Variants in BHMT2 observed in about 807,000 individuals in gnomAD.
The protein encoded by BHMT2 is S-methylmethionine--homocysteine S-methyltransferase BHMT2.
Under a neutral mutation model 39.0 loss-of-function variants are expected in BHMT2, and 28 were observed. That is an observed-to-expected ratio of 0.72 (90% CI 0.53 to 0.98). BHMT2 has a LOEUF of 0.98. Ranked by LOEUF, BHMT2 falls within the 50% of genes least tolerant of loss-of-function variation. The pLI, the probability that BHMT2 is intolerant of heterozygous loss-of-function variation, is 0.00. For missense variants in BHMT2, 410 were observed against 455.6 expected, an observed-to-expected ratio of 0.90 and a Z score of 0.91; for synonymous variants, 145 against 160.6, an observed-to-expected ratio of 0.90 and a Z score of 0.74.
chr5:79,072,724 G>A (rs1755604078), intron 1 of BHMT2, among the ~76,000 whole-genome samples: 1 of 152,196 alleles, frequency 6.6e-6, no homozygotes, highest in Admixed American at 6.5e-5. Context: ...AATCACAGGT[G>A]AGACTGGGTC....
intron 7 of BHMT2, among the ~76,000 whole-genome samples, chr5:79,085,034 C>CT (rs1755866949): frequency 6.6e-6 from 1 of 152,140 alleles, no homozygotes; most frequent in Non-Finnish European, 1.5e-5. Flanking sequence ...CCCTTGGTGT[C>CT]TTTAAGTTTT....
At chr5:79,079,028 A>G (rs543399119) in intron 2 of BHMT2, among the ~76,000 whole-genome samples, 7 of 152,332 alleles carry the variant, frequency 4.6e-5, no homozygotes, top group African/African-American at 1.2e-4. Context: ...AATGCTGACT[A>G]TAGTAGACCA....
chr5:79,083,868 T>A lies in BHMT2; in HGVS notation c.1010+12T>A, dbSNP rs1016139416. 6.2e-7 allele frequency: 1 copy of A among 1,601,406 alleles called. No homozygotes were observed. The highest frequency in any genetic ancestry group is 1.3e-5 in the African/African-American group (1 of 74,458). ...TGGATTAGAGCAAGGTAAGCATTTT[T>A]AAATTAACATTCTTATTATTTTCCT... On this transcript the variant is annotated intron_variant, in intron 7 of 7. Transcript: ENST00000255192.
chr5:79,076,417 G>A (rs1008972308), intron 1 of BHMT2, among the ~76,000 whole-genome samples: 3 of 152,048 alleles, frequency 2.0e-5, no homozygotes, highest in African/African-American at 7.2e-5. Flanking sequence ...ACATTTGGGC[G>A]CAAAAACAGG....
At position 79,079,418 on chromosome 5, in the gene BHMT2, G is replaced by A. The variant is rs1394628155; in HGVS notation, c.216G>A (p.Gln72=). The stretch of plus-strand genomic sequence containing the variant: ...TGAGAGCAGGATCAAATGTCATGCA[G>A]ACTTTTACCTTTTCTGCCAGTGAGG... The part of the protein sequence containing the change: ...EFLRAGSNVM[Q]TFTFSASEDN... Residue 72 remains glutamine, a synonymous_variant, in exon 3 of 8, where the codon CAG becomes CAA. Coordinates refer to ENST00000255192, the MANE Select transcript of BHMT2 (RefSeq NM_017614.5). 6.2e-7 allele frequency: 1 copy of A among 1,613,918 alleles called. No individual in the cohort carries two copies. Among genetic ancestry groups the A allele is most frequent in the Admixed American group, 1.7e-5 (1 of 59,988 alleles).
At chr5:79,082,113 A>C (rs1239383044) in intron 4 of BHMT2, among the ~76,000 whole-genome samples, 4 of 152,118 alleles carry the variant, frequency 2.6e-5, no homozygotes, top group Non-Finnish European at 5.9e-5. Flanking sequence ...TTTGTTTCTA[A>C]CTCAAGAGGG....
rs1039003788 is a variant in BHMT2 at position 79,081,638 on chromosome 5, T to C, written c.450+760T>C. ...ACTTTGGGAGGCCAAGGCAGGTGGATGGCATGAGGTCAGGAATTTGAGACT... is the reference window on the plus strand; with the variant it reads ...ACTTTGGGAGGCCAAGGCAGGTGGACGGCATGAGGTCAGGAATTTGAGACT... On this transcript the variant is annotated intron_variant, in intron 4 of 7. Transcript: ENST00000255192. Among the ~76,000 whole-genome samples the C allele has an allele frequency of 2.0e-5, 3 of 152,166 alleles. No individual in the cohort carries two copies. In the South Asian group the frequency reaches 6.2e-4, roughly 31 times the overall value.
At chr5:79,087,039 T>TAC (rs1755914286) in intron 7 of BHMT2, among the ~76,000 whole-genome samples, 2 of 146,588 alleles carry the variant, frequency 1.4e-5, no homozygotes, top group South Asian at 4.2e-4. Context: ...TATATATATA[T>TAC]ATACATATGT....
chr5:79,087,492 A>G (rs993243796), intron 7 of BHMT2, among the ~76,000 whole-genome samples: 3 of 152,160 alleles, frequency 2.0e-5, no homozygotes, highest in Non-Finnish European at 4.4e-5. Flanking sequence ...CTGTAGACCA[A>G]AGCAAGAAGA....
At chr5:79,069,954 T>A in intron 1 of BHMT2, 139 bp downstream of exon 1, 1 of 950,330 alleles carries the variant, frequency 1.1e-6, no homozygotes, top group Non-Finnish European at 1.4e-6. Flanking sequence ...GAGCCTCAAT[T>A]TTCCCCTGTC....
Position 79,080,843 on chromosome 5 carries a change from T to C in BHMT2, c.415T>C (p.Phe139Leu). ...KKLFRQQLEV[F>L]AWKNVDFLIA... is the part of the protein sequence containing the mutation. The stretch of plus-strand genomic sequence containing the variant: ...ACTTTTTCGACAACAGCTAGAAGTT[T>C]TTGCCTGGAAAAATGTGGACTTCTT... The change falls in exon 4 of 8, where the codon TTT becomes CTT. Residue 139 changes from phenylalanine (F) to leucine (L), a missense_variant. Physicochemically the swap from Phe to Leu is conservative, Grantham distance 22 (BLOSUM62 0). Transcript: ENST00000255192. The C allele has an allele frequency of 6.3e-7, 1 of 1,599,754 alleles. No individual in the cohort carries two copies. The highest frequency in any genetic ancestry group is 1.1e-5 in the South Asian group (1 of 87,736).
chr5:79,080,115 GAA>G (rs1156688410), intron 3 of BHMT2, among the ~76,000 whole-genome samples: 3 of 152,136 alleles, frequency 2.0e-5, no homozygotes, highest in Non-Finnish European at 2.9e-5. Context: ...TACTGGAGTA[GAA>G]ATGAGAAAAA....
intron 1 of BHMT2, among the ~76,000 whole-genome samples, chr5:79,074,203 A>G (rs1379413804): frequency 2.0e-5 from 3 of 152,152 alleles, no homozygotes; most frequent in African/African-American, 4.8e-5. Flanking sequence ...CCATTTCTCA[A>G]TATTAAACTC....
chr5:79,089,689 A>G lies in BHMT2; in HGVS notation c.*1115A>G, dbSNP rs115690440. On this transcript the variant is annotated 3_prime_UTR_variant, in exon 8 of 8. Transcript: ENST00000255192. ...CTTTTCAAAAGTCAGAGTTTAGGCC[A>G]GGGGCACAGGCTGACACCTATAATC... Among the ~76,000 whole-genome samples the G allele has an allele frequency of 4.5e-3, 681 of 152,288 alleles. 3 individuals carry two copies. The highest frequency in any genetic ancestry group is 0.015 in the African/African-American group (638 of 41,566).
chr5:79,070,055 T>G (rs549802601), intron 1 of BHMT2, among the ~76,000 whole-genome samples: 1 of 152,086 alleles, frequency 6.6e-6, no homozygotes, highest in Non-Finnish European at 1.5e-5. Context: ...TTCACAATTA[T>G]CCCCATTTCA....
chr5:79,075,487 T>C (rs929225170), intron 1 of BHMT2, among the ~76,000 whole-genome samples: 14 of 152,124 alleles, frequency 9.2e-5, no homozygotes, highest in African/African-American at 3.4e-4. Context: ...CAGATAAGAC[T>C]AGTTAAAAGA....
At chr5:79,082,531 C>A in intron 4 of BHMT2, 1 of 248,456 alleles carries the variant, frequency 4.0e-6, no homozygotes. Context: ...CTTTGAAAAC[C>A]TCTGGGTGTG....
rs946548855 is a variant in BHMT2, at chr5:79,088,699, G to A, written c.*125G>A. ...TATCTCCAGCTGCTGAGCAGCTGAG[G>A]TGCTGCAGCCCCTTCCCTTCCAGCC... On this transcript the variant is annotated 3_prime_UTR_variant, in exon 8 of 8. Coordinates refer to ENST00000255192, the MANE Select transcript of BHMT2 (RefSeq NM_017614.5). 9.5e-5 allele frequency: 68 copies of A among 715,220 alleles called. No homozygotes were observed. Among genetic ancestry groups the A allele is most frequent in the Non-Finnish European group, 1.5e-4 (64 of 422,930 alleles). 44.3% of individuals were successfully genotyped at this position (715,220 alleles called of 1,614,324 possible).
chr5:79,069,825 G>C lies in BHMT2; in HGVS notation c.33+10G>C. 2 of 1,424,720 alleles carry C rather than the reference G, an allele frequency of 1.4e-6. No homozygotes were observed. Among genetic ancestry groups the C allele is most frequent in the Non-Finnish European group, 1.8e-6 (2 of 1,081,396 alleles). The allele number at this position is 1,424,720 out of a possible 1,614,324, so 88.3% of individuals were successfully genotyped here. ...CCCGGGGGCCAAGAAGGTGAGTTTC[G>C]TCCCCTCGATCCTCGCGGAGCTCCT... On this transcript the variant is annotated intron_variant, in intron 1 of 7. Transcript: ENST00000255192.
Sources: gnomAD v4.1 joint callset for allele counts (sites outside exome capture counted in the v4.1 genomes callset) on GRCh38, gnomAD v4.1.1 for gene constraint, MANE v1.5 for transcripts, NCBI Gene and HGNC (gene_info 2026-07-23, HGNC 2026-07-21) for gene names.